The following FBXL17 variants were observed in gnomAD, a reference collection of about 807,000 sequenced individuals.
The protein encoded by FBXL17 is F-box and leucine rich repeat protein 17.
In FBXL17, 22 loss-of-function variants were observed where a neutral mutation model predicts 66.2. The observed-to-expected ratio is 0.33, with a 90% CI of 0.24 to 0.47. The LOEUF is 0.47. Ranked by LOEUF, FBXL17 falls within the 20% of genes least tolerant of loss-of-function variation. FBXL17 has a pLI of 1.00. For missense variants in FBXL17, 878 were observed against 948.2 expected, an observed-to-expected ratio of 0.93 and a Z score of 0.97; for synonymous variants, 474 against 400.5, an observed-to-expected ratio of 1.18 and a Z score of -2.19.
At chr5:108,029,604 T>C (rs1325220128) in intron 6 of FBXL17, among the ~76,000 whole-genome samples, 3 of 152,176 alleles carry the variant, frequency 2.0e-5, no homozygotes. Flanking sequence ...GCACTGTGTT[T>C]ATGCAGAGAG....
rs532345433 is a variant in FBXL17 at position 108,192,444 on chromosome 5, T to G, written c.1615-6197A>C. On this transcript the variant is annotated intron_variant, in intron 5 of 8. Coordinates refer to ENST00000542267, the MANE Select transcript of FBXL17 (RefSeq NM_001163315.3). Reference sequence around the variant, plus strand: ...TGCTTTTATTAGAAAAAAAGTGACATCTAATTAATTCATGTTAAAGACTAA... The same window carrying G: ...TGCTTTTATTAGAAAAAAAGTGACAGCTAATTAATTCATGTTAAAGACTAA... Among the ~76,000 whole-genome samples, 7 of 152,310 alleles carry G rather than the reference T, an allele frequency of 4.6e-5. No homozygotes were observed. The South Asian group carries it at 1.5e-3, about 32-fold the overall frequency.
intron 7 of FBXL17, among the ~76,000 whole-genome samples, chr5:107,988,406 T>G (rs981134294): frequency 1.3e-5 from 2 of 152,000 alleles, no homozygotes; most frequent in Non-Finnish European, 2.9e-5. Flanking sequence ...TACAGAGTGC[T>G]AACACTTTCA....
chr5:107,885,282 G>A (rs1213635213), intron 7 of FBXL17, among the ~76,000 whole-genome samples: 3 of 152,210 alleles, frequency 2.0e-5, no homozygotes, highest in Non-Finnish European at 4.4e-5. Context: ...AGTAACTTGT[G>A]TGTTGATGAA....
At chr5:108,206,852 G>C (rs564185184) in intron 5 of FBXL17, among the ~76,000 whole-genome samples, 3 of 152,176 alleles carry the variant, frequency 2.0e-5, no homozygotes, top group South Asian at 4.1e-4. Flanking sequence ...GCATGTACCT[G>C]TGCTTTCATT....
rs1291922414 is a variant in FBXL17 at position 108,364,789 on chromosome 5, C to G, written c.1323G>C (p.Gln441His). 1 of 1,612,790 alleles carries G rather than the reference C, an allele frequency of 6.2e-7. No homozygotes were observed. Among genetic ancestry groups the G allele is most frequent in the South Asian group, 1.1e-5 (1 of 91,012 alleles). ...TGTCCTGGTTGCCTACATGCACTTT[C>G]TGAAGTAAAGGACAGTGAGAGGCAA... Reference protein sequence around the residue: ...IAVASHCPLLQKVHVGNQDKL... With the variant: ...IAVASHCPLLHKVHVGNQDKL... Residue 441 changes from glutamine (Q) to histidine (H), a missense_variant, in exon 3 of 9, where the codon CAG becomes CAC. Gln to His is a conservative substitution (Grantham distance 24). This residue lies in a region of FBXL17 where 236 missense variants were observed against 389.1 expected (regional missense o/e 0.61). Coordinates refer to ENST00000542267, the MANE Select transcript of FBXL17 (RefSeq NM_001163315.3).
chr5:108,159,496 C>T (rs975270924), intron 6 of FBXL17, among the ~76,000 whole-genome samples: 34 of 152,068 alleles, frequency 2.2e-4, no homozygotes, highest in Admixed American at 9.2e-4. Context: ...AATTCACTAC[C>T]GTATCAAAGA....
At chr5:108,331,249 C>A (rs1760110084) in intron 4 of FBXL17, among the ~76,000 whole-genome samples, 1 of 152,168 alleles carries the variant, frequency 6.6e-6, no homozygotes, top group Admixed American at 6.5e-5. Flanking sequence ...CAACCAACCA[C>A]ATTTCCAAAG....
intron 6 of FBXL17, among the ~76,000 whole-genome samples, chr5:108,046,968 T>C (rs970508479): frequency 3.3e-5 from 5 of 152,182 alleles, no homozygotes; most frequent in African/African-American, 1.2e-4. Flanking sequence ...GTAGGTCTCC[T>C]GGTGACAAAT....
intron 7 of FBXL17, among the ~76,000 whole-genome samples, chr5:107,988,718 T>C (rs1753115134): frequency 1.3e-5 from 2 of 152,038 alleles, no homozygotes; most frequent in Admixed American, 6.6e-5. Context: ...TTATTATAGA[T>C]ATAGTGCTAT....
At position 108,078,993 on chromosome 5, in the gene FBXL17, C is replaced by G. The variant is rs367989056; in HGVS notation, c.1746-57992G>C. Among the ~76,000 whole-genome samples, 36 of 152,190 alleles carry G rather than the reference C, an allele frequency of 2.4e-4. No individual in the cohort carries two copies. The South Asian group carries it at 7.3e-3, about 31-fold the overall frequency. Reference sequence around the variant, plus strand: ...ACAATCAGCTCACTACAGCCTTAATCTTCCAGCCTTGAACGATCTAATTTT... The same window carrying G: ...ACAATCAGCTCACTACAGCCTTAATGTTCCAGCCTTGAACGATCTAATTTT... On this transcript the variant is annotated intron_variant, in intron 6 of 8. Coordinates refer to ENST00000542267, the MANE Select transcript of FBXL17 (RefSeq NM_001163315.3).
chr5:107,928,302 T>C (rs1240261509), intron 7 of FBXL17, among the ~76,000 whole-genome samples: 2 of 152,046 alleles, frequency 1.3e-5, no homozygotes, highest in African/African-American at 4.8e-5. Context: ...GGGAAATACA[T>C]ATACAGTGGC....
chr5:108,353,449 G>T (rs1317693680), intron 3 of FBXL17, among the ~76,000 whole-genome samples: 1 of 152,200 alleles, frequency 6.6e-6, no homozygotes, highest in East Asian at 1.9e-4. Flanking sequence ...TCATGCTTTT[G>T]TGAGTTTTAT....
intron 6 of FBXL17, among the ~76,000 whole-genome samples, chr5:108,089,783 G>C (rs1374130390): frequency 2.0e-5 from 3 of 152,162 alleles, no homozygotes; most frequent in Admixed American, 2.0e-4. Flanking sequence ...TTTGTTAAAA[G>C]AATGACCAAA....
At chr5:108,193,296 A>G (rs961094511) in intron 5 of FBXL17, among the ~76,000 whole-genome samples, 1 of 152,212 alleles carries the variant, frequency 6.6e-6, no homozygotes, top group African/African-American at 2.4e-5. Flanking sequence ...GGAAGAGAGA[A>G]GGGTCAGAGA....
At chr5:108,112,777 A>G (rs776995894) in intron 6 of FBXL17, among the ~76,000 whole-genome samples, 2 of 139,524 alleles carry the variant, frequency 1.4e-5, no homozygotes, top group African/African-American at 2.5e-5. Flanking sequence ...TCAAACTTCT[A>G]CAGATGAAAT....
chr5:108,328,337 C>G (rs974751095), intron 4 of FBXL17, among the ~76,000 whole-genome samples: 1 of 151,768 alleles, frequency 6.6e-6, no homozygotes, highest in African/African-American at 2.4e-5. Context: ...AAAAAATAAA[C>G]AAAAACACTA....
intron 3 of FBXL17, among the ~76,000 whole-genome samples, chr5:108,352,330 A>G (rs1331782508): frequency 6.6e-6 from 1 of 152,240 alleles, no homozygotes; most frequent in Non-Finnish European, 1.5e-5. Flanking sequence ...TATAACTGAT[A>G]TATTTACAAT....
chr5:107,925,061 A>G (rs1750481164), intron 7 of FBXL17, among the ~76,000 whole-genome samples: 1 of 152,252 alleles, frequency 6.6e-6, no homozygotes, highest in African/African-American at 2.4e-5. Flanking sequence ...TGCTTCAGCA[A>G]CTAAAAAAAC....
chr5:107,871,814 G>A (rs1748465395), intron 8 of FBXL17, among the ~76,000 whole-genome samples: 2 of 151,720 alleles, frequency 1.3e-5, no homozygotes, highest in South Asian at 4.2e-4. Flanking sequence ...CTAAGTAAGT[G>A]GTAAGTGCAA....
Sources: gnomAD v4.1 joint callset for allele counts (sites outside exome capture counted in the v4.1 genomes callset) on GRCh38, gnomAD v4.1.1 for gene constraint, gnomAD v4.1.1 regional missense constraint, MANE v1.5 for transcripts, NCBI Gene and HGNC (gene_info 2026-07-23, HGNC 2026-07-21) for gene names.